PTPRQ: variants seen among roughly 807,000 people sequenced by gnomAD.
PTPRQ encodes phosphatidylinositol phosphatase PTPRQ.
A neutral mutation model predicts 246.0 loss-of-function variants in PTPRQ; 199 were observed. That is an observed-to-expected ratio of 0.81 (90% CI 0.72 to 0.91). The LOEUF (loss-of-function observed/expected upper bound fraction) is 0.91. Ranked by LOEUF, PTPRQ falls within the 40% of genes least tolerant of loss-of-function variation. PTPRQ has a pLI of 0.00. For missense variants in PTPRQ, 2,624 were observed against 2,528.4 expected (o/e 1.04, Z -0.81); for synonymous variants, 869 against 853.2 (o/e 1.02, Z -0.32).
intron 28 of PTPRQ, among the ~76,000 whole-genome samples, chr12:80,611,745 C>A (rs1470001990): frequency 6.7e-6 from 1 of 150,334 alleles, no homozygotes; most frequent in East Asian, 1.9e-4. Context: ...TTTTTTACAA[C>A]ATTGAGAGAA....
intron 25 of PTPRQ, among the ~76,000 whole-genome samples, chr12:80,578,688 C>T (rs981192669): frequency 6.6e-6 from 1 of 152,044 alleles, no homozygotes; most frequent in Admixed American, 6.5e-5. Flanking sequence ...CCACCGCACC[C>T]GGCCAAGAAT....
chr12:80,583,212 A>T (rs904787025), intron 25 of PTPRQ, among the ~76,000 whole-genome samples: 2 of 152,236 alleles, frequency 1.3e-5, no homozygotes, highest in Non-Finnish European at 2.9e-5. Flanking sequence ...CACACATTCA[A>T]AAAACATTTA....
At chr12:80,535,348 T>C (rs1232528809) in intron 19 of PTPRQ, among the ~76,000 whole-genome samples, 2 of 152,170 alleles carry the variant, frequency 1.3e-5, no homozygotes, top group Admixed American at 6.5e-5. Flanking sequence ...CTTCCTCCAA[T>C]AAGTGTTCTC....
chr12:80,564,378 G>A (rs1896920475), intron 25 of PTPRQ, among the ~76,000 whole-genome samples: 1 of 152,100 alleles, frequency 6.6e-6, no homozygotes, highest in South Asian at 2.1e-4. Flanking sequence ...CCACCTTTCA[G>A]CCTCCTTTCA....
chr12:80,449,008 C>T (rs973766001), intron 3 of PTPRQ, among the ~76,000 whole-genome samples: 2 of 151,738 alleles, frequency 1.3e-5, no homozygotes, highest in South Asian at 2.1e-4. Context: ...AAAAGTGTTC[C>T]TATTTCTCCA....
At chr12:80,553,799 A>G (rs918417766) in intron 25 of PTPRQ, among the ~76,000 whole-genome samples, 3 of 152,208 alleles carry the variant, frequency 2.0e-5, no homozygotes. Flanking sequence ...AATATATCAT[A>G]TAAACCAATA....
At chr12:80,557,438 A>T (rs1428022286) in intron 25 of PTPRQ, among the ~76,000 whole-genome samples, 1 of 151,070 alleles carries the variant, frequency 6.6e-6, no homozygotes, top group East Asian at 1.9e-4. Flanking sequence ...ATGTCCAGAA[A>T]AGTATCTGGC....
At chr12:80,448,293 G>A (rs1892616223) in intron 3 of PTPRQ, among the ~76,000 whole-genome samples, 1 of 151,670 alleles carries the variant, frequency 6.6e-6, no homozygotes, top group Admixed American at 6.6e-5. Flanking sequence ...TTATTTTTGA[G>A]TTGTCGTTAG....
chr12:80,506,765 TG>T (rs1174634374), intron 16 of PTPRQ, 95 bp downstream of exon 16: 3 of 1,109,340 alleles, frequency 2.7e-6, no homozygotes, highest in Non-Finnish European at 3.8e-6. Flanking sequence ...CCTCTAGTCA[TG>T]GGTATCAGTT....
chr12:80,458,228 T>C (rs1253637824), intron 4 of PTPRQ, among the ~76,000 whole-genome samples: 1 of 152,144 alleles, frequency 6.6e-6, no homozygotes, highest in Non-Finnish European at 1.5e-5. Context: ...ACACATCTAA[T>C]CTATCAGTAA....
At chr12:80,675,190 C>T (rs1565854007) in intron 43 of PTPRQ, among the ~76,000 whole-genome samples, 1 of 152,048 alleles carries the variant, frequency 6.6e-6, no homozygotes, top group Non-Finnish European at 1.5e-5. Context: ...TTTCACAGGT[C>T]CTCACACTTA....
intron 43 of PTPRQ, among the ~76,000 whole-genome samples, chr12:80,674,266 TG>T (rs1380353211): frequency 4.6e-5 from 7 of 152,120 alleles, no homozygotes; most frequent in African/African-American, 1.7e-4. Flanking sequence ...AAAACAGAAG[TG>T]GTATCAAAGT....
intron 28 of PTPRQ, 148 bp from the exon 29 acceptor site, chr12:80,613,444 C>A: frequency 1.4e-6 from 1 of 720,808 alleles, no homozygotes; most frequent in Non-Finnish European, 2.2e-6. Flanking sequence ...TTCTATAATG[C>A]GTCAGTCATT....
chr12:80,542,301 G>A lies in PTPRQ; in HGVS notation c.3658G>A (p.Ala1220Thr), dbSNP rs1357936780. ...ATTTACATTATATAGCTTTTTTGCT[G>A]CCGCAAGAACTAGAAAAGGACTTGG... ...SPFTLYSFFAAARTRKGLGPS... is the reference protein window; with the variant it reads ...SPFTLYSFFATARTRKGLGPS... Residue 1220 changes from alanine (A) to threonine (T), a missense_variant, in exon 22 of 45, where the codon GCC (alanine) becomes ACC (threonine). Physicochemically the swap from Ala to Thr is moderately conservative, Grantham distance 58. Coordinates refer to ENST00000644991, the MANE Select transcript of PTPRQ (RefSeq NM_001145026.2). 6.5e-7 allele frequency: 1 copy of A among 1,549,506 alleles called. No homozygotes were observed. The highest frequency in any genetic ancestry group is 2.0e-5 in the Admixed American group (1 of 50,606).
rs1051436847 is a variant in PTPRQ at position 80,495,313 on chromosome 12, A to G, written c.1824A>G (p.Glu608=). The change falls in exon 12 of 45, where the codon GAA becomes GAG. Residue 608 remains glutamate (E), a synonymous_variant. Transcript: ENST00000644991. ...KITHYTIYAM[E]LDTNRAFQIT... ...CTCACTATACGATTTATGCAATGGA[A>G]TTGGATACAAACAGAGCATTCCAGA... The G allele has an allele frequency of 3.9e-6, 6 of 1,545,126 alleles. No homozygotes were observed. The highest frequency in any genetic ancestry group is 5.2e-6 in the Non-Finnish European group (6 of 1,144,986).
chr12:80,507,960 C>T (rs1263305338), intron 16 of PTPRQ, among the ~76,000 whole-genome samples: 2 of 151,920 alleles, frequency 1.3e-5, no homozygotes, highest in African/African-American at 4.8e-5. Flanking sequence ...TTCTTTATAA[C>T]TAATCTAATC....
At chr12:80,538,811 G>A (rs1173755502) in intron 19 of PTPRQ, among the ~76,000 whole-genome samples, 1 of 151,730 alleles carries the variant, frequency 6.6e-6, no homozygotes, top group Non-Finnish European at 1.5e-5. Context: ...ATGGCTTTTT[G>A]TGCTTCATGT....
intron 3 of PTPRQ, chr12:80,454,657 T>C: frequency 1.6e-6 from 1 of 635,312 alleles, no homozygotes; most frequent in Non-Finnish European, 2.8e-6. Flanking sequence ...GCCTACTTTG[T>C]TGAGGGTTTT....
At chr12:80,643,213 A>C (rs1207027919) in intron 35 of PTPRQ, among the ~76,000 whole-genome samples, 1 of 152,002 alleles carries the variant, frequency 6.6e-6, no homozygotes, top group Non-Finnish European at 1.5e-5. Flanking sequence ...CGAGGCGGGT[A>C]GATCCCCTGA....
Sources: gnomAD v4.1 joint callset for allele counts (sites outside exome capture counted in the v4.1 genomes callset) on GRCh38, gnomAD v4.1.1 for gene constraint, MANE v1.5 for transcripts, NCBI Gene and HGNC (gene_info 2026-07-23, HGNC 2026-07-21) for gene names.